Variants in CCDC34 observed in about 807,000 individuals in gnomAD.
CCDC34 encodes the protein coiled-coil domain containing 34.
Under a neutral mutation model 44.1 loss-of-function variants are expected in CCDC34, and 40 were observed. The ratio of observed to expected loss-of-function variants is 0.91; its 90% CI spans 0.70 to 1.18. The LOEUF (loss-of-function observed/expected upper bound fraction) is 1.18. Among genes scored for constraint, CCDC34 ranks in the 50% most tolerant of loss-of-function variants. CCDC34 has a pLI of 0.00. For missense variants in CCDC34, 466 were observed against 452.3 expected (o/e 1.03, Z -0.28); for synonymous variants, 159 against 158.2 (o/e 1.01, Z -0.04).
intron 1 of CCDC34, among the ~76,000 whole-genome samples, chr11:27,358,314 G>A (rs1862608231): frequency 1.3e-5 from 2 of 152,200 alleles, no homozygotes; most frequent in African/African-American, 4.8e-5. Context: ...GTCTTGGCCA[G>A]ATACACAAGC....
chr11:27,363,203 CCAAGTTCA>C lies in CCDC34; in HGVS notation c.-17_-10del. The C allele has an allele frequency of 6.8e-7, 1 of 1,462,628 alleles. No individual in the cohort carries two copies. The highest frequency in any genetic ancestry group is 9.0e-7 in the Non-Finnish European group (1 of 1,114,842). 90.6% of individuals were successfully genotyped at this position (1,462,628 alleles called of 1,614,324 possible). On this transcript the variant is annotated 5_prime_UTR_variant, in exon 1 of 6. Transcript: ENST00000328697. ...CGCCCCGCCGCCCACATCTGGCCCG[CCAAGTTCA>C]AACTGGCGGAGCCGCGGCGGGGACG...
At chr11:27,342,995 G>A (rs1172972224) in intron 3 of CCDC34, among the ~76,000 whole-genome samples, 2 of 152,150 alleles carry the variant, frequency 1.3e-5, no homozygotes, top group Non-Finnish European at 2.9e-5. Flanking sequence ...TTCTTCCCTT[G>A]AAAGCAGCTT....
chr11:27,348,016 C>T (rs1340095798), intron 3 of CCDC34, among the ~76,000 whole-genome samples: 2 of 152,032 alleles, frequency 1.3e-5, no homozygotes, highest in South Asian at 2.1e-4. Context: ...TCACTACTAC[C>T]GAGAGAGGAA....
At chr11:27,342,264 A>T (rs1368031819) in intron 3 of CCDC34, among the ~76,000 whole-genome samples, 3 of 149,568 alleles carry the variant, frequency 2.0e-5, no homozygotes, top group African/African-American at 7.4e-5. Flanking sequence ...TTTTTAATGG[A>T]TGCTTACTCT....
At position 27,340,828 on chromosome 11, in the gene CCDC34, T is replaced by C; in HGVS notation, c.775A>G (p.Lys259Glu). The C allele has an allele frequency of 6.2e-7, 1 of 1,612,026 alleles. No homozygotes were observed. The highest frequency in any genetic ancestry group is 8.5e-7 in the Non-Finnish European group (1 of 1,179,336). ...ERKKKEKEKE[K>E]QQQAEIQEKK... Reference sequence around the variant, plus strand: ...TCCTGTATTTCAGCTTGCTGTTGTTTTTCTTTTTCCTTAAAATGACAAGAC... The same window carrying C: ...TCCTGTATTTCAGCTTGCTGTTGTTCTTCTTTTTCCTTAAAATGACAAGAC... The change falls in exon 5 of 6, where the codon AAA becomes GAA. Residue 259 changes from lysine to glutamate, a missense_variant. Physicochemically the swap from Lys to Glu is moderately conservative, Grantham distance 56 (BLOSUM62 1). Transcript: ENST00000328697.
At chr11:27,362,515 A>G (rs755277206) in intron 1 of CCDC34, among the ~76,000 whole-genome samples, 2 of 152,330 alleles carry the variant, frequency 1.3e-5, no homozygotes, top group African/African-American at 2.4e-5. Flanking sequence ...GCAGTGCACA[A>G]TCTGGCTTTT....
rs374015574 is a variant in CCDC34 at position 27,362,824 on chromosome 11, C to T, written c.359+12G>A. Reference sequence around the variant, plus strand: ...GAAAAGGGCTGAATCGGCCGGGCGGCCTCGGGTTTACCTGGCGCACCCCTG... The same window carrying T: ...GAAAAGGGCTGAATCGGCCGGGCGGTCTCGGGTTTACCTGGCGCACCCCTG... On this transcript the variant is annotated intron_variant, in intron 1 of 5. Transcript: ENST00000328697. 1.2e-6 allele frequency: 2 copies of T among 1,610,680 alleles called. No individual in the cohort carries two copies. Among genetic ancestry groups the T allele is most frequent in the South Asian group, 2.2e-5 (2 of 90,742 alleles).
At chr11:27,361,642 T>C (rs1407174597) in intron 1 of CCDC34, among the ~76,000 whole-genome samples, 1 of 152,202 alleles carries the variant, frequency 6.6e-6, no homozygotes, top group East Asian at 1.9e-4. Flanking sequence ...CCCACCAATG[T>C]ACTTACTTTT....
rs187425296 is a variant in CCDC34, at chr11:27,352,407, G to T, written c.499-1968C>A. On this transcript the variant is annotated intron_variant, in intron 2 of 5. Transcript: ENST00000328697. ...CAAAAAAAAAAAGGAAAAGGAAAAG[G>T]AAAAGAGGGTTTGGACTTAGGAAAC... Among the ~76,000 whole-genome samples, 150 of 151,300 alleles carry T rather than the reference G, an allele frequency of 9.9e-4. 2 individuals carry two copies. Among genetic ancestry groups the T allele is most frequent in the Non-Finnish European group, 1.0e-4 (7 of 67,782 alleles).
chr11:27,340,678 C>G lies in CCDC34; in HGVS notation c.907+18G>C. 1 of 1,598,624 alleles carries G rather than the reference C, an allele frequency of 6.3e-7. No individual in the cohort carries two copies. The highest frequency in any genetic ancestry group is 1.2e-5 in the South Asian group (1 of 86,936). ...CTGCAAACCATATTTATGTAAGCCA[C>G]ACAACATAAAAACCAACCTGTAAGT... On this transcript the variant is annotated intron_variant, in intron 5 of 5. Coordinates refer to ENST00000328697, the MANE Select transcript of CCDC34 (RefSeq NM_030771.2).
chr11:27,350,508 C>T (rs1284852922), intron 2 of CCDC34, 69 bp from the exon 3 acceptor site: 2 of 1,415,616 alleles, frequency 1.4e-6, no homozygotes, highest in African/African-American at 2.9e-5. Context: ...TTTTAAAAGT[C>T]TGAGGTTATT....
At chr11:27,347,055 T>C (rs1275223488) in intron 3 of CCDC34, among the ~76,000 whole-genome samples, 1 of 152,140 alleles carries the variant, frequency 6.6e-6, no homozygotes, top group African/African-American at 2.4e-5. Flanking sequence ...ACCACCCAAT[T>C]TGTGGTATTT....
intron 2 of CCDC34, among the ~76,000 whole-genome samples, chr11:27,354,677 C>T (rs991151657): frequency 2.2e-5 from 3 of 136,778 alleles, no homozygotes; most frequent in African/African-American, 5.3e-5. Context: ...AACATGGCAA[C>T]CCCCCCACCC....
chr11:27,359,446 G>T (rs1293741628), intron 1 of CCDC34, among the ~76,000 whole-genome samples: 1 of 152,072 alleles, frequency 6.6e-6, no homozygotes, highest in African/African-American at 2.4e-5. Context: ...AGCCTGGGGT[G>T]AAATCCTATC....
chr11:27,340,830 T>C lies in CCDC34; in HGVS notation c.773A>G (p.Glu258Gly). Residue 258 changes from glutamate (E) to glycine (G), a missense_variant, in exon 5 of 6, where the codon GAA (glutamate) becomes GGA (glycine). Coordinates refer to ENST00000328697, the MANE Select transcript of CCDC34 (RefSeq NM_030771.2). ...CERKKKEKEK[E>G]KQQQAEIQEK... ...CTGTATTTCAGCTTGCTGTTGTTTT[T>C]CTTTTTCCTTAAAATGACAAGACCA... 2 of 1,611,884 alleles carry C rather than the reference T, an allele frequency of 1.2e-6. No homozygotes were observed. The highest frequency in any genetic ancestry group is 1.7e-4 in the Middle Eastern group (1 of 6,050).
At chr11:27,346,448 G>C (rs1188462538) in intron 3 of CCDC34, among the ~76,000 whole-genome samples, 1 of 142,134 alleles carries the variant, frequency 7.0e-6, no homozygotes, top group Admixed American at 7.2e-5. Context: ...GGGAGGGGAG[G>C]AAGGAAGGGA....
At chr11:27,348,905 T>G (rs1311558233) in intron 3 of CCDC34, 17 of 983,428 alleles carry the variant, frequency 1.7e-5, no homozygotes, top group African/African-American at 3.5e-5. Context: ...TAAATAATTC[T>G]CAACATTACG....
At chr11:27,362,707 CG>C in intron 1 of CCDC34, 128 bp downstream of exon 1, 1 of 1,054,014 alleles carries the variant, frequency 9.5e-7, no homozygotes, top group Non-Finnish European at 1.4e-6. Context: ...AAAAAAACCA[CG>C]GCACCTCAGT....
rs1379598157 is a variant in CCDC34 at position 27,340,724 on chromosome 11, G to A, written c.879C>T (p.Ser293=). 2 of 1,613,064 alleles carry A rather than the reference G, an allele frequency of 1.2e-6. No individual in the cohort carries two copies. Among genetic ancestry groups the A allele is most frequent in the Admixed American group, 3.3e-5 (2 of 59,926 alleles). The change falls in exon 5 of 6, where the codon AGC becomes AGT. Residue 293 remains serine (S), a synonymous_variant. Coordinates refer to ENST00000328697, the MANE Select transcript of CCDC34 (RefSeq NM_030771.2). ...AKHKPRPAAK[S]YGYANGKLTG... is the part of the protein sequence containing the mutation. ...TAAGTTTTCCATTGGCATAACCATA[G>A]CTCTTTGCAGCTGGACGAGGTTTAT...
Sources: gnomAD v4.1 joint callset for allele counts (sites outside exome capture counted in the v4.1 genomes callset) on GRCh38, gnomAD v4.1.1 for gene constraint, MANE v1.5 for transcripts, NCBI Gene and HGNC (gene_info 2026-07-23, HGNC 2026-07-21) for gene names.